The following MCC variants were observed in gnomAD, a reference collection of about 807,000 sequenced individuals.
MCC encodes colorectal mutant cancer protein.
In MCC, 90 loss-of-function variants were observed where a neutral mutation model predicts 116.2. The ratio of observed to expected loss-of-function variants is 0.77; its 90% CI spans 0.65 to 0.92. MCC has a LOEUF of 0.92. Ranked by LOEUF, MCC falls within the 40% of genes least tolerant of loss-of-function variation. The pLI, the probability that MCC is intolerant of heterozygous loss-of-function variation, is 0.00. For synonymous variants in MCC, 578 were observed against 510.5 expected (o/e 1.13, Z -1.78); for missense variants, 1,516 against 1,312.2 (o/e 1.16, Z -2.40).
chr5:113,105,825 C>T (rs1406034820), intron 6 of MCC, among the ~76,000 whole-genome samples: 1 of 152,196 alleles, frequency 6.6e-6, no homozygotes, highest in Non-Finnish European at 1.5e-5. Context: ...CTAGTTCAAA[C>T]TGTCTAATGG....
intron 13 of MCC, 51 bp from the exon 14 acceptor site, chr5:113,064,218 A>C: frequency 6.6e-7 from 1 of 1,523,934 alleles, no homozygotes; most frequent in Non-Finnish European, 8.9e-7. Context: ...TGGACAAGGC[A>C]CGCCTGGGAG....
intron 3 of MCC, among the ~76,000 whole-genome samples, chr5:113,194,991 A>T (rs1398766978): frequency 6.6e-6 from 1 of 152,202 alleles, no homozygotes; most frequent in East Asian, 1.9e-4. Context: ...GGGAGCAGTG[A>T]TGTTTAACTC....
chr5:113,452,163 T>C (rs983692370), intron 1 of MCC, among the ~76,000 whole-genome samples: 1 of 152,170 alleles, frequency 6.6e-6, no homozygotes, highest in African/African-American at 2.4e-5. Flanking sequence ...GCCTCAGGCC[T>C]GGAAGTCACA....
At chr5:113,301,033 A>G (rs900172089) in intron 3 of MCC, among the ~76,000 whole-genome samples, 4 of 152,232 alleles carry the variant, frequency 2.6e-5, no homozygotes, top group Non-Finnish European at 4.4e-5. Context: ...GTGTTCATTC[A>G]GAAAAAGTAA....
At chr5:113,465,677 A>T (rs1771882709) in intron 1 of MCC, among the ~76,000 whole-genome samples, 1 of 152,204 alleles carries the variant, frequency 6.6e-6, no homozygotes, top group South Asian at 2.1e-4. Context: ...GAAAAATACA[A>T]ATTCCTAACA....
intron 5 of MCC, among the ~76,000 whole-genome samples, chr5:113,130,197 G>T (rs1439283179): frequency 1.3e-5 from 2 of 152,296 alleles, no homozygotes; most frequent in South Asian, 2.1e-4. Context: ...GGACATGGAT[G>T]AAGCTGGAAA....
chr5:113,069,821 C>A (rs902246714), intron 12 of MCC, among the ~76,000 whole-genome samples: 1 of 152,172 alleles, frequency 6.6e-6, no homozygotes, highest in East Asian at 1.9e-4. Context: ...CTCCTGACCT[C>A]GTGATCCGCC....
intron 5 of MCC, among the ~76,000 whole-genome samples, chr5:113,129,328 G>GAAAGA (rs1244999261): frequency 2.6e-5 from 4 of 152,312 alleles, no homozygotes; most frequent in African/African-American, 4.8e-5. Context: ...AAATGCCATA[G>GAAAGA]AAAGAGACCA....
At chr5:113,329,999 A>G (rs1767660354) in intron 3 of MCC, among the ~76,000 whole-genome samples, 1 of 152,238 alleles carries the variant, frequency 6.6e-6, no homozygotes, top group Non-Finnish European at 1.5e-5. Context: ...GAATTACATA[A>G]GGACAGTTGA....
At chr5:113,063,963 G>T in intron 14 of MCC, 21 bp downstream of exon 14, 1 of 1,602,804 alleles carries the variant, frequency 6.2e-7, no homozygotes, top group South Asian at 1.1e-5. Context: ...GCCCACCCCA[G>T]AGCAGAAGGC....
chr5:113,121,231 G>A (rs996194174), intron 6 of MCC, among the ~76,000 whole-genome samples: 1 of 152,102 alleles, frequency 6.6e-6, no homozygotes, highest in Non-Finnish European at 1.5e-5. Context: ...CTTCATCTAT[G>A]GATTCTTTCT....
chr5:113,046,427 A>G (rs948122288), intron 16 of MCC, among the ~76,000 whole-genome samples: 1 of 152,000 alleles, frequency 6.6e-6, no homozygotes, highest in African/African-American at 2.4e-5. Flanking sequence ...CCTGACCTCA[A>G]GTGATCCACC....
At chr5:113,071,311 C>G in intron 11 of MCC, 77 bp from the exon 12 acceptor site, 1 of 1,509,080 alleles carries the variant, frequency 6.6e-7, no homozygotes, top group East Asian at 2.3e-5. Flanking sequence ...CATTTATATT[C>G]AGGGCAGAAA....
chr5:113,189,577 T>C (rs1435033196), intron 3 of MCC, among the ~76,000 whole-genome samples: 1 of 152,170 alleles, frequency 6.6e-6, no homozygotes, highest in Non-Finnish European at 1.5e-5. Context: ...TCACAGTCTA[T>C]CACTAGGTTG....
rs930327710 is a variant in MCC, at chr5:113,151,349, C to T, written c.701G>A (p.Arg234Lys). The change falls in exon 4 of 19, where the codon AGG (arginine) becomes AAG (lysine). Residue 234 changes from arginine to lysine, a missense_variant. Physicochemically the swap from Arg to Lys is conservative, Grantham distance 26 (BLOSUM62 2). Coordinates refer to ENST00000408903, the MANE Select transcript of MCC (RefSeq NM_001085377.2). ...ELNKRLQQTERERDLLEKKLA... is the reference protein window; with the variant it reads ...ELNKRLQQTEKERDLLEKKLA... ...TTTCTTTTCCAGAAGGTCCCGTTCC[C>T]TCTCTGTTTGCTGGAGACGTTTATT... is the stretch of plus-strand genomic sequence containing the variant. The T allele has an allele frequency of 2.5e-6, 4 of 1,613,724 alleles. No homozygotes were observed. The African/African-American group carries it at 5.3e-5, about 22-fold the overall frequency.
Position 113,043,488 on chromosome 5 carries a change from G to A in MCC, c.2756+42C>T, listed in dbSNP as rs4337846. ...AGAGAACTCAGAACAAAGTCTCCAT[G>A]CCCAGGATAAACACCAGCTGGGGTG... is the stretch of plus-strand genomic sequence containing the variant. On this transcript the variant is annotated intron_variant, in intron 17 of 18. Coordinates refer to ENST00000408903, the MANE Select transcript of MCC (RefSeq NM_001085377.2). The A allele has an allele frequency of 8.4e-3, 12,910 of 1,533,074 alleles. 927 individuals carry two copies. In the African/African-American group the frequency reaches 0.15, roughly 18 times the overall value. The allele number at this position is 1,533,074 out of a possible 1,614,324, so 95.0% of individuals were successfully genotyped here.
intron 3 of MCC, among the ~76,000 whole-genome samples, chr5:113,159,631 T>C (rs1760371505): frequency 6.6e-6 from 1 of 152,156 alleles, no homozygotes. Context: ...CATCTGCACA[T>C]GAAAAAGCCT....
intron 3 of MCC, among the ~76,000 whole-genome samples, chr5:113,203,641 C>A (rs1451032175): frequency 1.3e-5 from 2 of 152,088 alleles, no homozygotes; most frequent in Non-Finnish European, 2.9e-5. Flanking sequence ...CAAAGCAAAC[C>A]CACATTCAAC....
chr5:113,275,596 T>A (rs1437570838), intron 3 of MCC, among the ~76,000 whole-genome samples: 1 of 152,148 alleles, frequency 6.6e-6, no homozygotes, highest in Non-Finnish European at 1.5e-5. Context: ...CAGAGACAGG[T>A]ATAGCCCGCC....
Sources: gnomAD v4.1 joint callset for allele counts (sites outside exome capture counted in the v4.1 genomes callset) on GRCh38, gnomAD v4.1.1 for gene constraint, MANE v1.5 for transcripts, NCBI Gene and HGNC (gene_info 2026-07-23, HGNC 2026-07-21) for gene names.